Variants in LRP1B observed in about 807,000 individuals in gnomAD.
The protein encoded by LRP1B is low-density lipoprotein receptor-related protein 1B.
LRP1B carries 217 observed loss-of-function variants against 556.6 expected under a neutral mutation model. The ratio of observed to expected loss-of-function variants is 0.39; its 90% CI spans 0.35 to 0.44. The LOEUF is 0.44. LRP1B is among the 20% of genes least tolerant of loss of function. The pLI is 1.00. For synonymous variants in LRP1B, 2,047 were observed against 1,865.8 expected (o/e 1.10, Z -2.50); for missense variants, 5,053 against 5,620.8 (o/e 0.90, Z 3.23).
At chr2:141,406,609 T>C (rs1194533036) in intron 3 of LRP1B, among the ~76,000 whole-genome samples, 2 of 151,742 alleles carry the variant, frequency 1.3e-5, no homozygotes, top group African/African-American at 2.4e-5. Context: ...ATCTTACATA[T>C]TATATGTGTT....
intron 31 of LRP1B, among the ~76,000 whole-genome samples, chr2:140,832,717 TG>T (rs770592357): frequency 1.7e-4 from 26 of 152,212 alleles, no homozygotes; most frequent in Non-Finnish European, 2.8e-4. Flanking sequence ...GAGAGTTGAT[TG>T]GTGGTTGCAA....
intron 1 of LRP1B, among the ~76,000 whole-genome samples, chr2:141,850,583 GTATA>G (rs70994457): frequency 2.1e-5 from 3 of 142,686 alleles, no homozygotes; most frequent in Non-Finnish European, 3.1e-5. Flanking sequence ...ATGTGTGTAT[GTATA>G]TATATATATA....
At chr2:141,681,090 A>C (rs1691085417) in intron 2 of LRP1B, among the ~76,000 whole-genome samples, 1 of 151,984 alleles carries the variant, frequency 6.6e-6, no homozygotes, top group African/African-American at 2.4e-5. Context: ...TCAGGAGTTC[A>C]AGACCAGCCT....
intron 2 of LRP1B, among the ~76,000 whole-genome samples, chr2:141,640,748 C>T (rs1432389913): frequency 6.6e-6 from 1 of 151,996 alleles, no homozygotes; most frequent in Non-Finnish European, 1.5e-5. Context: ...GAGCTGAGAT[C>T]ATGCCACTGT....
At position 140,450,677 on chromosome 2, in the gene LRP1B, A is replaced by C; in HGVS notation, c.9964-16T>G. The C allele has an allele frequency of 6.3e-7, 1 of 1,580,760 alleles. No homozygotes were observed. The highest frequency in any genetic ancestry group is 8.6e-7 in the Non-Finnish European group (1 of 1,157,626). On this transcript the variant is annotated splice_polypyrimidine_tract_variant and intron_variant, in intron 62 of 90. Transcript: ENST00000389484. ...TGCAACGAAACTTAAAAAAGAAAAA[A>C]AGAAAAAAAAATGTTGAAGAACCCA...
intron 18 of LRP1B, among the ~76,000 whole-genome samples, chr2:140,964,414 C>T (rs13008288): frequency 8.0e-4 from 121 of 151,868 alleles, no homozygotes; most frequent in Non-Finnish European, 1.6e-3. Flanking sequence ...GAAAGGGAGA[C>T]CTCCCCTTTC....
At chr2:141,515,438 T>A (rs1559115338) in intron 2 of LRP1B, among the ~76,000 whole-genome samples, 4 of 152,048 alleles carry the variant, frequency 2.6e-5, no homozygotes, top group Admixed American at 1.3e-4. Context: ...CAAGACCAAA[T>A]TAGAAAGCAA....
At chr2:140,700,647 T>G in intron 40 of LRP1B, 26 bp from the exon 41 acceptor site, 1 of 1,600,794 alleles carries the variant, frequency 6.2e-7, no homozygotes, top group Non-Finnish European at 8.5e-7. Flanking sequence ...GATACACACA[T>G]GCACATGTTT....
At chr2:141,490,942 T>G (rs998705462) in intron 2 of LRP1B, among the ~76,000 whole-genome samples, 15 of 151,426 alleles carry the variant, frequency 9.9e-5, no homozygotes, top group South Asian at 2.1e-4. Flanking sequence ...TTTTTTTTTT[T>G]TTTTTTTTTT....
intron 43 of LRP1B, among the ~76,000 whole-genome samples, chr2:140,560,643 C>T (rs1259708038): frequency 2.6e-5 from 4 of 152,104 alleles, no homozygotes; most frequent in African/African-American, 9.7e-5. Flanking sequence ...TTATTGTATG[C>T]TTGCCATATT....
In LRP1B at chr2:141,047,311, G is replaced by A. The variant is rs142977770; in HGVS notation, c.1789+1675C>T. On this transcript the variant is annotated intron_variant, in intron 11 of 90. Transcript: ENST00000389484. ...TGCAGGATTTACGTTGCCTTAATCC[G>A]TAAATTATATTAAAGACAAAAACAG... Among the ~76,000 whole-genome samples, 304 of 151,964 alleles carry A rather than the reference G, an allele frequency of 2.0e-3. 2 individuals carry two copies. Among genetic ancestry groups the A allele is most frequent in the Non-Finnish European group, 3.2e-3 (219 of 67,974 alleles).
rs376042975 is a variant in LRP1B at position 140,658,925 on chromosome 2, A to G, written c.6799+41325T>C. ...AGATAATGGGCTGTTTATGAATTCTAAATCAATATTCAGTGAGCTGGAACA... is the reference window on the plus strand; with the variant it reads ...AGATAATGGGCTGTTTATGAATTCTGAATCAATATTCAGTGAGCTGGAACA... On this transcript the variant is annotated intron_variant, in intron 41 of 90. Transcript: ENST00000389484. Among the ~76,000 whole-genome samples, 243 of 152,022 alleles carry G rather than the reference A, an allele frequency of 1.6e-3. 3 individuals are homozygous for G. The South Asian group carries it at 0.02, about 13-fold the overall frequency.
At chr2:141,103,169 T>C (rs988447142) in intron 7 of LRP1B, among the ~76,000 whole-genome samples, 6 of 152,158 alleles carry the variant, frequency 3.9e-5, no homozygotes, top group Non-Finnish European at 7.4e-5. Context: ...AAGGTAACTC[T>C]AAATATCTTT....
chr2:140,710,026 G>A (rs2119610), intron 37 of LRP1B, among the ~76,000 whole-genome samples: 77,631 of 151,860 alleles, frequency 0.51, 21,041 homozygotes, highest in Middle Eastern at 0.64. Context: ...AAGTTTATCC[G>A]TGTGACATAA....
chr2:141,731,221 A>C (rs542662679), intron 2 of LRP1B, among the ~76,000 whole-genome samples: 1 of 152,198 alleles, frequency 6.6e-6, no homozygotes, highest in Non-Finnish European at 1.5e-5. Flanking sequence ...ATGGCCCCCA[A>C]ATTAAAATTT....
chr2:141,843,601 A>G (rs1352612886), intron 1 of LRP1B, among the ~76,000 whole-genome samples: 1 of 152,174 alleles, frequency 6.6e-6, no homozygotes, highest in Non-Finnish European at 1.5e-5. Context: ...CTAGCTCAAT[A>G]ATACAATTAG....
intron 7 of LRP1B, among the ~76,000 whole-genome samples, chr2:141,085,039 A>G (rs1415319095): frequency 6.6e-6 from 1 of 151,776 alleles, no homozygotes; most frequent in African/African-American, 2.4e-5. Context: ...GAAAGTTTTC[A>G]AACCTTAAAT....
At chr2:140,530,545 TA>T (rs1690646602) in intron 47 of LRP1B, among the ~76,000 whole-genome samples, 1 of 152,110 alleles carries the variant, frequency 6.6e-6, no homozygotes, top group Non-Finnish European at 1.5e-5. Context: ...ACTATGTTAA[TA>T]AACTTAAAAT....
chr2:142,089,664 C>T (rs1416977399), intron 1 of LRP1B, among the ~76,000 whole-genome samples: 2 of 152,098 alleles, frequency 1.3e-5, no homozygotes, highest in African/African-American at 4.8e-5. Context: ...TATCATGCAT[C>T]TTAAATGCAA....
Sources: allele counts gnomAD v4.1 joint callset (sites outside exome capture counted in the v4.1 genomes callset), GRCh38; gene constraint gnomAD v4.1.1; transcripts MANE v1.5; gene names NCBI Gene and HGNC (gene_info 2026-07-23, HGNC 2026-07-21).